The following MACROD2 variants were observed in gnomAD, a reference collection of about 807,000 sequenced individuals.
MACROD2 encodes the protein mono-ADP ribosylhydrolase 2, also known as ADP-ribose glycohydrolase MACROD2.
In MACROD2, 36 loss-of-function variants were observed where a neutral mutation model predicts 70.4. That is an observed-to-expected ratio of 0.51 (90% CI 0.39 to 0.68). MACROD2 has a LOEUF of 0.68. MACROD2 is among the 30% of genes least tolerant of loss of function. The probability of loss-of-function intolerance (pLI) is 0.00; values close to 1 mark genes in which losing one functional copy is unlikely to be tolerated. For missense variants in MACROD2, 496 were observed against 538.4 expected (o/e 0.92, Z 0.78); for synonymous variants, 172 against 178.8 (o/e 0.96, Z 0.30).
At chr20:15,503,064 G>T (rs1193426318) in intron 8 of MACROD2, among the ~76,000 whole-genome samples, 2 of 152,170 alleles carry the variant, frequency 1.3e-5, no homozygotes, top group Non-Finnish European at 2.9e-5. Context: ...CTTTTTGTAT[G>T]TTCAGAATAG....
chr20:16,005,967 A>G (rs2066782413), intron 15 of MACROD2, among the ~76,000 whole-genome samples: 1 of 152,190 alleles, frequency 6.6e-6, no homozygotes, highest in South Asian at 2.1e-4. Flanking sequence ...CTCATCAAGC[A>G]TATCTCAGCC....
chr20:14,612,844 GA>G (rs967045659), intron 4 of MACROD2, among the ~76,000 whole-genome samples: 22 of 151,846 alleles, frequency 1.4e-4, no homozygotes, highest in Non-Finnish European at 2.2e-4. Context: ...ACAAAGGGAG[GA>G]AAAAAATCAG....
At chr20:14,453,323 G>C (rs926958449) in intron 3 of MACROD2, among the ~76,000 whole-genome samples, 1 of 152,086 alleles carries the variant, frequency 6.6e-6, no homozygotes, top group Non-Finnish European at 1.5e-5. Flanking sequence ...TTGAAATGGT[G>C]CCATCTATCT....
At chr20:14,926,235 T>C (rs992416242) in intron 5 of MACROD2, among the ~76,000 whole-genome samples, 1 of 152,088 alleles carries the variant, frequency 6.6e-6, no homozygotes, top group Non-Finnish European at 1.5e-5. Flanking sequence ...TTGAGAAATA[T>C]CTGAAGCAGT....
At chr20:15,641,559 A>G (rs1265094232) in intron 8 of MACROD2, among the ~76,000 whole-genome samples, 3 of 152,206 alleles carry the variant, frequency 2.0e-5, no homozygotes, top group Non-Finnish European at 4.4e-5. Context: ...AATGCAACAG[A>G]GCTCCATTAT....
chr20:15,008,822 A>C (rs2075059985), intron 5 of MACROD2, among the ~76,000 whole-genome samples: 1 of 152,158 alleles, frequency 6.6e-6, no homozygotes, highest in African/African-American at 2.4e-5. Flanking sequence ...AGTACCTATT[A>C]CTTTTAAAAA....
At chr20:14,341,832 C>G (rs1311338749) in intron 3 of MACROD2, among the ~76,000 whole-genome samples, 1 of 152,130 alleles carries the variant, frequency 6.6e-6, no homozygotes, top group Non-Finnish European at 1.5e-5. Flanking sequence ...AAGCTTGATA[C>G]ATGGCTTAAA....
intron 3 of MACROD2, among the ~76,000 whole-genome samples, chr20:14,330,659 A>G (rs1018259538): frequency 6.6e-6 from 1 of 152,138 alleles, no homozygotes; most frequent in African/African-American, 2.4e-5. Flanking sequence ...ACTTGAAACA[A>G]AAATAGCAGT....
At chr20:15,313,177 T>G (rs1338704234) in intron 6 of MACROD2, among the ~76,000 whole-genome samples, 1 of 152,028 alleles carries the variant, frequency 6.6e-6, no homozygotes, top group African/African-American at 2.4e-5. Context: ...ATTTCAAAAG[T>G]TTTCACTGAA....
At chr20:14,401,095 A>C (rs1336704415) in intron 3 of MACROD2, among the ~76,000 whole-genome samples, 16 of 152,178 alleles carry the variant, frequency 1.1e-4, no homozygotes, top group African/African-American at 3.6e-4. Context: ...GTGTTCTTCA[A>C]ATCAATTAAT....
At chr20:14,222,351 T>C (rs1373042305) in intron 3 of MACROD2, among the ~76,000 whole-genome samples, 2 of 152,178 alleles carry the variant, frequency 1.3e-5, no homozygotes, top group Non-Finnish European at 2.9e-5. Context: ...TGGATAGAAC[T>C]AGAGGCCATT....
chr20:14,813,088 A>G (rs1356755367), intron 5 of MACROD2, among the ~76,000 whole-genome samples: 3 of 151,984 alleles, frequency 2.0e-5, no homozygotes, highest in South Asian at 2.1e-4. Flanking sequence ...CAGAGTTGAT[A>G]TGATTTACTA....
chr20:14,527,427 G>C (rs1468348929), intron 4 of MACROD2, among the ~76,000 whole-genome samples: 6 of 151,928 alleles, frequency 3.9e-5, no homozygotes, highest in African/African-American at 1.5e-4. Context: ...CCTGCCTTCT[G>C]TATCATTTAA....
At chr20:16,004,070 C>G (rs1340478251) in intron 15 of MACROD2, among the ~76,000 whole-genome samples, 1 of 152,174 alleles carries the variant, frequency 6.6e-6, no homozygotes, top group Non-Finnish European at 1.5e-5. Context: ...TCCAAACCAG[C>G]TGGCTCACAA....
At chr20:16,040,347 A>C (rs1201836594) in intron 15 of MACROD2, among the ~76,000 whole-genome samples, 1 of 151,936 alleles carries the variant, frequency 6.6e-6, no homozygotes, top group South Asian at 2.1e-4. Context: ...TGGACACAGT[A>C]AGTAATCAGG....
chr20:14,796,348 C>T (rs80132652), intron 5 of MACROD2, among the ~76,000 whole-genome samples: 11,497 of 151,982 alleles, frequency 0.076, 558 homozygotes, highest in Middle Eastern at 0.23. Flanking sequence ...TGCAACCAGG[C>T]TGGGAAAGCC....
chr20:14,915,477 A>G (rs1400598773), intron 5 of MACROD2, among the ~76,000 whole-genome samples: 1 of 152,180 alleles, frequency 6.6e-6, no homozygotes, highest in Non-Finnish European at 1.5e-5. Flanking sequence ...ATCTTTGACA[A>G]ATACCACACT....
chr20:14,800,712 C>T (rs1028312090), intron 5 of MACROD2, among the ~76,000 whole-genome samples: 1 of 152,030 alleles, frequency 6.6e-6, no homozygotes, highest in Non-Finnish European at 1.5e-5. Flanking sequence ...CTTGTGAACT[C>T]CTTTCTGTTT....
chr20:15,681,711 T>G (rs1427615333), intron 8 of MACROD2, among the ~76,000 whole-genome samples: 4 of 152,182 alleles, frequency 2.6e-5, no homozygotes, highest in African/African-American at 9.7e-5. Flanking sequence ...GCCATTCAAT[T>G]ACATTTTTTG....
Sources: allele counts gnomAD v4.1 joint callset (sites outside exome capture counted in the v4.1 genomes callset), GRCh38; gene constraint gnomAD v4.1.1; transcripts MANE v1.5; gene names NCBI Gene and HGNC (gene_info 2026-07-23, HGNC 2026-07-21).